CRLF1: variants seen among roughly 807,000 people sequenced by gnomAD.
The protein encoded by CRLF1 is cytokine receptor-like factor 1.
CRLF1 carries 36 observed loss-of-function variants against 48.9 expected under a neutral mutation model. That is an observed-to-expected ratio of 0.74 (90% CI 0.56 to 0.97). The LOEUF is 0.97. Ranked by LOEUF, CRLF1 falls within the 50% of genes least tolerant of loss-of-function variation. The pLI, the probability that CRLF1 is intolerant of heterozygous loss-of-function variation, is 0.00. For synonymous variants in CRLF1, 256 were observed against 253.4 expected (o/e 1.01, Z -0.10); for missense variants, 534 against 575.1 (o/e 0.93, Z 0.73).
At position 18,598,906 on chromosome 19, in the gene CRLF1, G is replaced by A. The variant is rs1034497047; in HGVS notation, c.398-5C>T. ...TGACGGGTTTCTCTGGGGGCACTGG[G>A]AGAAGGGGAGGGTGCAGGAAGCAGG... On this transcript the variant is annotated splice_polypyrimidine_tract_variant and splice_region_variant and intron_variant, in intron 2 of 8. Coordinates refer to ENST00000392386, the MANE Select transcript of CRLF1 (RefSeq NM_004750.5). 1.9e-6 allele frequency: 3 copies of A among 1,613,736 alleles called. No individual in the cohort carries two copies. Among genetic ancestry groups the A allele is most frequent in the South Asian group, 2.2e-5 (2 of 91,086 alleles).
In CRLF1 at chr19:18,598,811, G is replaced by T. The variant is rs1198507226; in HGVS notation, c.488C>A (p.Thr163Asn). The change falls in exon 3 of 9, where the codon ACC becomes AAC. Residue 163 changes from threonine (T) to asparagine (N), a missense_variant. Around this residue, in one of 2 missense-constraint regions of CRLF1, gnomAD observed 528 missense variants for 555.7 expected, o/e 0.95. Coordinates refer to ENST00000392386, the MANE Select transcript of CRLF1 (RefSeq NM_004750.5). ...GAGGGAGTAGTTGGTGTGGAGGAAG[G>T]TCTCCCCGTGGGCCCCTGGCGTCCA... Reference protein sequence around the residue: ...CRWTPGAHGETFLHTNYSLKY... With the variant: ...CRWTPGAHGENFLHTNYSLKY... 6 of 1,613,988 alleles carry T rather than the reference G, an allele frequency of 3.7e-6. 1 individual carries two copies. The highest frequency in any genetic ancestry group is 1.6e-4 in the Middle Eastern group (1 of 6,084).
intron 1 of CRLF1, among the ~76,000 whole-genome samples, chr19:18,600,213 T>A (rs1281044094): frequency 6.6e-6 from 1 of 152,220 alleles, no homozygotes; most frequent in Non-Finnish European, 1.5e-5. Context: ...TGCTTTTTTT[T>A]TTTGAGACGG....
At chr19:18,601,167 G>A (rs1220745095) in intron 1 of CRLF1, among the ~76,000 whole-genome samples, 1 of 152,092 alleles carries the variant, frequency 6.6e-6, no homozygotes, top group African/African-American at 2.4e-5. Flanking sequence ...AAAGATTGTG[G>A]GTTCTTCCTG....
rs1383828086 is a variant in CRLF1 at position 18,597,036 on chromosome 19, G to T, written c.711C>A (p.Pro237=). The change falls in exon 5 of 9, where the codon CCC becomes CCA. Residue 237 remains proline (P), a synonymous_variant. Coordinates refer to ENST00000392386, the MANE Select transcript of CRLF1 (RefSeq NM_004750.5). ...CGCGGCTCACGTGCACGTCGGGCGG[G>T]GGGTCCGTGGTCACTGCGGGGCAGA... ...LDILDVVTTD[P]PPDVHVSRVG... 1 of 1,612,612 alleles carries T rather than the reference G, an allele frequency of 6.2e-7. No individual in the cohort carries two copies. Among genetic ancestry groups the T allele is most frequent in the Admixed American group, 1.7e-5 (1 of 59,942 alleles).
intron 4 of CRLF1, 29 bp from the exon 5 acceptor site, chr19:18,597,078 C>G (rs1362651885): frequency 6.2e-7 from 1 of 1,604,282 alleles, no homozygotes; most frequent in Admixed American, 1.7e-5. Context: ...ACCCTCTCAG[C>G]CTGGGACTGT....
At chr19:18,600,229 C>T (rs149752258) in intron 1 of CRLF1, among the ~76,000 whole-genome samples, 44 of 151,222 alleles carry the variant, frequency 2.9e-4, no homozygotes, top group Non-Finnish European at 4.9e-4. Context: ...GACGGAGTCT[C>T]GCTCTGTCGC....
rs146027258 is a variant in CRLF1 at position 18,599,606 on chromosome 19, C to T, written c.356G>A (p.Arg119His). 2,201 of 1,613,160 alleles carry T rather than the reference C, an allele frequency of 1.4e-3. 2 individuals carry two copies. The highest frequency in any genetic ancestry group is 1.6e-3 in the Non-Finnish European group (1,845 of 1,180,024). Residue 119 changes from arginine (R) to histidine (H), a missense_variant, in exon 2 of 9, where the codon CGT (arginine) becomes CAT (histidine). This residue lies in a region of CRLF1 where 528 missense variants were observed against 555.7 expected (regional missense o/e 0.95). Transcript: ENST00000392386. ...GGAGCCAGCCAGGATGCTGCCGTCA[C>T]GGGCGTGGCACACGAGGTTGTCCCC... is the stretch of plus-strand genomic sequence containing the variant. ...RSGDNLVCHA[R>H]DGSILAGSCL...
intron 6 of CRLF1, among the ~76,000 whole-genome samples, chr19:18,596,205 G>T (rs1976129441): frequency 6.6e-6 from 1 of 151,972 alleles, no homozygotes; most frequent in South Asian, 2.1e-4. Flanking sequence ...ATTCAGCTCT[G>T]GGGGGGCCAC....
chr19:18,606,472 C>G lies in CRLF1; in HGVS notation c.115+70G>C. On this transcript the variant is annotated intron_variant, in intron 1 of 8. Transcript: ENST00000392386. This position sits in a 1 kb window ranked among gnomAD's most constrained non-coding sequence, Gnocchi z 4.8. ...CAGGTGGCGCCCGCGCCCCCTCCCC[C>G]CGCGGCTGCCCCCGGGGCGCCCGCC... 1 of 1,071,596 alleles carries G rather than the reference C, an allele frequency of 9.3e-7. No individual in the cohort carries two copies. The highest frequency in any genetic ancestry group is 1.1e-6 in the Non-Finnish European group (1 of 883,890). 66.4% of individuals were successfully genotyped at this position (1,071,596 alleles called of 1,614,324 possible). A position where few individuals can be genotyped will look rare whatever the true frequency, so the allele number is the denominator to read the frequency against.
chr19:18,597,073 C>T (rs1411563974), intron 4 of CRLF1, 24 bp from the exon 5 acceptor site: 2 of 1,607,588 alleles, frequency 1.2e-6, no homozygotes, highest in Non-Finnish European at 1.7e-6. Flanking sequence ...GAGGGACCCT[C>T]TCAGCCTGGG....
intron 6 of CRLF1, among the ~76,000 whole-genome samples, chr19:18,595,285 C>T (rs548244449): frequency 4.6e-5 from 7 of 152,220 alleles, no homozygotes; most frequent in East Asian, 1.9e-4. Flanking sequence ...TCGCAGGTGC[C>T]GGGCACGAGC....
At position 18,606,648 on chromosome 19, in the gene CRLF1, G is replaced by T. The variant is rs984614003; in HGVS notation, c.9C>A (p.Ala3=). 1.5e-5 allele frequency: 12 copies of T among 826,084 alleles called. No homozygotes were observed. The African/African-American group carries it at 2.3e-4, about 16-fold the overall frequency. 51.2% of individuals were successfully genotyped at this position (826,084 alleles called of 1,614,324 possible). A position where few individuals can be genotyped will look rare whatever the true frequency, so the allele number is the denominator to read the frequency against. The part of the protein sequence containing the change: MP[A]GRRGPAAQSA... Reference sequence around the variant, plus strand: ...ATTGGGCGGCGGGGCCCCGGCGGCCGGCGGGCATGGGGCCGGCGCTGCCGG... The same window carrying T: ...ATTGGGCGGCGGGGCCCCGGCGGCCTGCGGGCATGGGGCCGGCGCTGCCGG... Residue 3 remains alanine (A), a synonymous_variant, in exon 1 of 9, where the codon GCC becomes GCA. Coordinates refer to ENST00000392386, the MANE Select transcript of CRLF1 (RefSeq NM_004750.5). This position sits in a 1 kb window ranked among gnomAD's most constrained non-coding sequence, Gnocchi z 4.8.
Position 18,593,538 on chromosome 19 carries a change from CAGGGAGGG to C in CRLF1, c.*20_*27del. On this transcript the variant is annotated 3_prime_UTR_variant, in exon 9 of 9. Transcript: ENST00000392386. ...GTTCGGCCTCTGCGTCTCCACGTGG[CAGGGAGGG>C]TGGCCTGAGCCCCTACAGCTTATCT... 3.1e-6 allele frequency: 5 copies of C among 1,610,364 alleles called. No individual in the cohort carries two copies. The highest frequency in any genetic ancestry group is 4.2e-6 in the Non-Finnish European group (5 of 1,178,822).
At position 18,598,808 on chromosome 19, in the gene CRLF1, A is replaced by G; in HGVS notation, c.491T>C (p.Phe164Ser). The G allele has an allele frequency of 6.2e-7, 1 of 1,614,030 alleles. No homozygotes were observed. Among genetic ancestry groups the G allele is most frequent in the Non-Finnish European group, 8.5e-7 (1 of 1,179,974 alleles). ...CTTGAGGGAGTAGTTGGTGTGGAGG[A>G]AGGTCTCCCCGTGGGCCCCTGGCGT... is the stretch of plus-strand genomic sequence containing the variant. Reference protein sequence around the residue: ...RWTPGAHGETFLHTNYSLKYK... With the variant: ...RWTPGAHGETSLHTNYSLKYK... Residue 164 changes from phenylalanine (F) to serine (S), a missense_variant, in exon 3 of 9, where the codon TTC becomes TCC. Phe to Ser is a radical substitution (Grantham distance 155). Around this residue, in one of 2 missense-constraint regions of CRLF1, gnomAD observed 528 missense variants for 555.7 expected, o/e 0.95. Transcript: ENST00000392386.
chr19:18,605,041 G>C (rs1365746846), intron 1 of CRLF1, among the ~76,000 whole-genome samples: 1 of 152,142 alleles, frequency 6.6e-6, no homozygotes, highest in Non-Finnish European at 1.5e-5. Flanking sequence ...CCGCCTGCTG[G>C]TCAGGTGCTA....
chr19:18,596,955 C>T lies in CRLF1; in HGVS notation c.792G>A (p.Lys264=), dbSNP rs370364717. The T allele has an allele frequency of 2.4e-5, 38 of 1,613,904 alleles. No individual in the cohort carries two copies. The African/African-American group carries it at 4.5e-4, about 19-fold the overall frequency. ...GGTATTTGGCTTGAAAGAGGAAATC[C>T]TTGAGGGCGGGTGGCGACACCCAGC... ...SVRWVSPPAL[K]DFLFQAKYQI... is the part of the protein sequence containing the mutation. The change falls in exon 5 of 9, where the codon AAG becomes AAA. Residue 264 remains lysine, a synonymous_variant. Coordinates refer to ENST00000392386, the MANE Select transcript of CRLF1 (RefSeq NM_004750.5).
intron 1 of CRLF1, among the ~76,000 whole-genome samples, chr19:18,604,315 C>A (rs959913071): frequency 1.3e-5 from 2 of 152,166 alleles, no homozygotes; most frequent in African/African-American, 4.8e-5. Flanking sequence ...GCCAGGCGGG[C>A]CTGGACAGAC....
At chr19:18,605,502 T>C (rs1017142933) in intron 1 of CRLF1, among the ~76,000 whole-genome samples, 2 of 152,172 alleles carry the variant, frequency 1.3e-5, no homozygotes, top group Non-Finnish European at 2.9e-5. Context: ...CCTGCCTCTG[T>C]GCCCCTGGGT....
chr19:18,598,508 A>G lies in CRLF1; in HGVS notation c.621T>C (p.Tyr207=). The change falls in exon 4 of 9, where the codon TAT becomes TAC. Residue 207 remains tyrosine, a synonymous_variant. Coordinates refer to ENST00000392386, the MANE Select transcript of CRLF1 (RefSeq NM_004750.5). The stretch of plus-strand genomic sequence containing the variant: ...GGTTGGTGGCCTCCACCCAGATCTC[A>G]TAGGGCGTAAAGAGAGCCAGGTCCT... ...IPKDLALFTP[Y]EIWVEATNRL... is the part of the protein sequence containing the mutation. 1 of 1,612,612 alleles carries G rather than the reference A, an allele frequency of 6.2e-7. No individual in the cohort carries two copies. The highest frequency in any genetic ancestry group is 8.5e-7 in the Non-Finnish European group (1 of 1,178,656).
Sources: gnomAD v4.1 joint callset for allele counts (sites outside exome capture counted in the v4.1 genomes callset) on GRCh38, gnomAD v4.1.1 for gene constraint, gnomAD v4.1.1 regional missense constraint, Gnocchi (gnomAD v3.1) non-coding constraint, MANE v1.5 for transcripts, NCBI Gene and HGNC (gene_info 2026-07-23, HGNC 2026-07-21) for gene names.